Variants in NPEPPS observed in about 807,000 individuals in gnomAD.
The protein encoded by NPEPPS is aminopeptidase puromycin sensitive.
A neutral mutation model predicts 115.5 loss-of-function variants in NPEPPS; 14 were observed. The observed-to-expected ratio is 0.12, with a 90% CI of 0.08 to 0.19. The LOEUF is 0.19. Among genes scored for constraint, NPEPPS ranks in the 10% least tolerant of loss-of-function variants. The probability of loss-of-function intolerance (pLI) is 1.00; values close to 1 mark genes in which losing one functional copy is unlikely to be tolerated. For missense variants in NPEPPS, 523 were observed against 1,110.8 expected, an observed-to-expected ratio of 0.47 and a Z score of 7.52; for synonymous variants, 285 against 390.6, an observed-to-expected ratio of 0.73 and a Z score of 3.19.
At chr17:47,573,390 C>G (rs11079780) in intron 3 of NPEPPS, among the ~76,000 whole-genome samples, 8,162 of 152,180 alleles carry the variant, frequency 0.054, 394 homozygotes, top group African/African-American at 0.11. Context: ...CAAAGTGAAT[C>G]TGATTTTCAA....
At chr17:47,577,850 G>A (rs1222958505) in intron 3 of NPEPPS, among the ~76,000 whole-genome samples, 1 of 152,052 alleles carries the variant, frequency 6.6e-6, no homozygotes, top group African/African-American at 2.4e-5. Flanking sequence ...ATAACTTTTG[G>A]TCCTTTCCAA....
At chr17:47,530,311 G>A (rs907846877), upstream of NPEPPS, among the ~76,000 whole-genome samples, 1 of 147,970 alleles carries the variant, frequency 6.8e-6, no homozygotes, top group Non-Finnish European at 1.5e-5. Context: ...TCCCTCAAAA[G>A]TCCAAATCTC....
intron 12 of NPEPPS, among the ~76,000 whole-genome samples, chr17:47,594,857 C>T (rs1424001922): frequency 6.6e-6 from 1 of 151,886 alleles, no homozygotes; most frequent in African/African-American, 2.4e-5. Context: ...TGGTCTCGAT[C>T]TCCTGACCTC....
At chr17:47,598,368 G>A (rs938645877) in intron 13 of NPEPPS, among the ~76,000 whole-genome samples, 3 of 152,140 alleles carry the variant, frequency 2.0e-5, no homozygotes, top group Non-Finnish European at 4.4e-5. Context: ...CAGCTACTTG[G>A]GAGGCTTAGT....
intron 18 of NPEPPS, among the ~76,000 whole-genome samples, chr17:47,613,190 T>A (rs888988607): frequency 6.6e-6 from 1 of 152,040 alleles, no homozygotes; most frequent in African/African-American, 2.4e-5. Flanking sequence ...CATTTACCTT[T>A]GTGGTTGCTC....
At chr17:47,535,549 CAAAAAAAA>C (rs1002859470) in intron 1 of NPEPPS, among the ~76,000 whole-genome samples, 7 of 88,946 alleles carry the variant, frequency 7.9e-5, no homozygotes, top group Admixed American at 1.2e-4. Flanking sequence ...GGCTCCGTCT[CAAAAAAAA>C]AAAAAAAAAA....
At chr17:47,562,607 A>AGTGT (rs4060776) in intron 2 of NPEPPS, among the ~76,000 whole-genome samples, 2,040 of 147,360 alleles carry the variant, frequency 0.014, 39 homozygotes, top group African/African-American at 0.046. Flanking sequence ...TTTGATGCAG[A>AGTGT]GTGTGTGTGT....
At position 47,603,943 on chromosome 17, in the gene NPEPPS, G is replaced by A; in HGVS notation, c.1769G>A (p.Arg590Gln). 5 of 1,612,480 alleles carry A rather than the reference G, an allele frequency of 3.1e-6. No homozygotes were observed. Among genetic ancestry groups the A allele is most frequent in the Non-Finnish European group, 4.2e-6 (5 of 1,179,104 alleles). ...AACTTAGGAACAGTTGGGTTTTATC[G>A]GACCCAGTACAGCTCTGCCATGCTG... ...KLNLGTVGFY[R>Q]TQYSSAMLES... is the part of the protein sequence containing the mutation. Residue 590 changes from arginine (R) to glutamine (Q), a missense_variant, in exon 16 of 23, where the codon CGG (arginine) becomes CAG (glutamine). By Grantham distance (43) the Arg-to-Gln change is conservative (BLOSUM62 1). Coordinates refer to ENST00000322157, the MANE Select transcript of NPEPPS (RefSeq NM_006310.4).
intron 2 of NPEPPS, chr17:47,548,280 A>T (rs1194196665): frequency 6.6e-6 from 1 of 152,202 alleles, no homozygotes; most frequent in African/African-American, 2.4e-5. Flanking sequence ...GGAAGAACAG[A>T]TTCTTCAAAT....
rs560460546 is a variant in NPEPPS, at chr17:47,583,640, T to C, written c.648+791T>C. Among the ~76,000 whole-genome samples, 893 of 151,308 alleles carry C rather than the reference T, an allele frequency of 5.9e-3. 5 individuals carry two copies. The highest frequency in any genetic ancestry group is 0.017 in the African/African-American group (719 of 41,246). Reference sequence around the variant, plus strand: ...TATTAAATGTCATAAGAAAGCCAGGTACAGTGACTCTTGCTTGTAATCTCA... The same window carrying C: ...TATTAAATGTCATAAGAAAGCCAGGCACAGTGACTCTTGCTTGTAATCTCA... On this transcript the variant is annotated intron_variant, in intron 5 of 22. Coordinates refer to ENST00000322157, the MANE Select transcript of NPEPPS (RefSeq NM_006310.4).
At chr17:47,575,697 TG>T (rs965803347) in intron 3 of NPEPPS, among the ~76,000 whole-genome samples, 7 of 151,616 alleles carry the variant, frequency 4.6e-5, no homozygotes, top group African/African-American at 1.7e-4. Context: ...CTCTGCCTCC[TG>T]GGTTCATGCC....
chr17:47,530,593 G>C (rs1907668656), upstream of NPEPPS, among the ~76,000 whole-genome samples: 1 of 151,816 alleles, frequency 6.6e-6, no homozygotes, highest in African/African-American at 2.4e-5. Flanking sequence ...CCTTGACCTC[G>C]TGATCCGCCC....
intron 2 of NPEPPS, among the ~76,000 whole-genome samples, chr17:47,551,044 A>G (rs1280666484): frequency 6.6e-6 from 1 of 152,210 alleles, no homozygotes; most frequent in African/African-American, 2.4e-5. Flanking sequence ...TTCTTGTTAT[A>G]AGACAAGACC....
intron 5 of NPEPPS, among the ~76,000 whole-genome samples, chr17:47,583,851 G>GGA (rs1289335457): frequency 1.3e-5 from 2 of 151,730 alleles, no homozygotes; most frequent in African/African-American, 2.4e-5. Context: ...GAACTTAGGA[G>GGA]TTTGAGGCTA....
At chr17:47,551,064 A>C (rs1909615993) in intron 2 of NPEPPS, among the ~76,000 whole-genome samples, 1 of 152,228 alleles carries the variant, frequency 6.6e-6, no homozygotes, top group Non-Finnish European at 1.5e-5. Context: ...CTGGTTTTAC[A>C]GACTTTTCTA....
intron 2 of NPEPPS, among the ~76,000 whole-genome samples, chr17:47,568,391 G>A (rs548866408): frequency 2.6e-5 from 4 of 152,068 alleles, no homozygotes; most frequent in Admixed American, 6.6e-5. Context: ...GGCTGTTCTC[G>A]AACTCTTGAC....
At chr17:47,529,737 T>TTTTATATATATATATATA (rs1907595723), upstream of NPEPPS, among the ~76,000 whole-genome samples, 1 of 25,632 alleles carries the variant, frequency 3.9e-5, no homozygotes, top group Admixed American at 4.0e-4. Flanking sequence ...TTCAGTTACA[T>TTTTATATATATATATATA]TATATATATA....
At chr17:47,544,502 G>T (rs1189739415) in intron 1 of NPEPPS, among the ~76,000 whole-genome samples, 3 of 141,552 alleles carry the variant, frequency 2.1e-5, no homozygotes, top group Non-Finnish European at 1.5e-5. Context: ...GAAATTAAAC[G>T]TATTTATTTA....
chr17:47,608,759 G>A (rs891148699), intron 17 of NPEPPS, among the ~76,000 whole-genome samples: 2 of 152,028 alleles, frequency 1.3e-5, no homozygotes, highest in African/African-American at 4.8e-5. Context: ...AGCCAGGAGA[G>A]AGGGGGGGTA....
Sources: gnomAD v4.1 joint callset for allele counts (sites outside exome capture counted in the v4.1 genomes callset) on GRCh38, gnomAD v4.1.1 for gene constraint, MANE v1.5 for transcripts, NCBI Gene and HGNC (gene_info 2026-07-23, HGNC 2026-07-21) for gene names.